The following DPY19L3 variants were observed in gnomAD, a reference collection of about 807,000 sequenced individuals.
DPY19L3 encodes the protein protein C-mannosyl-transferase DPY19L3.
DPY19L3 carries 51 observed loss-of-function variants against 92.3 expected under a neutral mutation model. The ratio of observed to expected loss-of-function variants is 0.55; its 90% CI spans 0.44 to 0.70. The LOEUF (loss-of-function observed/expected upper bound fraction) is 0.70, where lower values mean the gene tolerates loss of function less well. Among genes scored for constraint, DPY19L3 ranks in the 30% least tolerant of loss-of-function variants. DPY19L3 has a pLI of 0.00. For synonymous variants in DPY19L3, 309 were observed against 315.2 expected (o/e 0.98, Z 0.21); for missense variants, 706 against 855.9 (o/e 0.82, Z 2.18).
At chr19:32,456,405 T>G (rs1213855681) in intron 10 of DPY19L3, among the ~76,000 whole-genome samples, 2 of 151,980 alleles carry the variant, frequency 1.3e-5, no homozygotes, top group East Asian at 3.9e-4. Context: ...GTCAAGTACT[T>G]ATCAATAATT....
intron 17 of DPY19L3, among the ~76,000 whole-genome samples, chr19:32,478,633 C>CT (rs1192097851): frequency 6.6e-6 from 1 of 152,176 alleles, no homozygotes; most frequent in Non-Finnish European, 1.5e-5. Flanking sequence ...GGTGGTGCCC[C>CT]TTTCTCCATT....
rs552299083 is a variant in DPY19L3, at chr19:32,429,244, C to T, written c.238-3472C>T. On this transcript the variant is annotated intron_variant, in intron 3 of 18. Transcript: ENST00000392250. ...TTCGTTCTGTCAACATTGCATTCCC[C>T]ATGGAACCTGTGCAAATTGAATATG... Among the ~76,000 whole-genome samples, 10 of 152,310 alleles carry T rather than the reference C, an allele frequency of 6.6e-5. No homozygotes were observed. In the South Asian group the frequency reaches 2.1e-3, roughly 32 times the overall value.
rs879845599 is a variant in DPY19L3, at chr19:32,482,294, A to G, written c.*54A>G. The stretch of plus-strand genomic sequence containing the variant: ...GATACGGAGAAACTGCATCATGATG[A>G]AACTCAATAGATGACGTTTCCTATG... On this transcript the variant is annotated 3_prime_UTR_variant, in exon 19 of 19. Transcript: ENST00000392250. 8.9e-6 allele frequency: 14 copies of G among 1,578,698 alleles called. No individual in the cohort carries two copies. The highest frequency in any genetic ancestry group is 6.7e-5 in the East Asian group (3 of 44,622).
intron 7 of DPY19L3, 60 bp from the exon 8 acceptor site, chr19:32,439,716 G>C (rs772964875): frequency 7.7e-6 from 12 of 1,565,376 alleles, no homozygotes; most frequent in Non-Finnish European, 1.0e-5. Context: ...GAGAAAACTT[G>C]TCTGCAAGGT....
intron 3 of DPY19L3, among the ~76,000 whole-genome samples, chr19:32,413,464 T>C (rs1209656498): frequency 6.6e-6 from 1 of 151,840 alleles, no homozygotes; most frequent in Non-Finnish European, 1.5e-5. Context: ...TTAATTATTA[T>C]TATACTTTAA....
At chr19:32,468,562 C>G (rs879835076) in intron 15 of DPY19L3, 169 bp from the exon 16 acceptor site, 80 of 1,269,200 alleles carry the variant, frequency 6.3e-5, no homozygotes, top group Non-Finnish European at 7.9e-5. Flanking sequence ...GCGCTAGTTC[C>G]CTTGTATTAG....
chr19:32,440,782 A>G lies in DPY19L3; in HGVS notation c.855+872A>G, dbSNP rs140631551. On this transcript the variant is annotated intron_variant, in intron 8 of 18. Transcript: ENST00000392250. The stretch of plus-strand genomic sequence containing the variant: ...AACAAAGATCACAGACAACAAGAAC[A>G]AGCAGACAAATGATAGCTGCTAATT... Among the ~76,000 whole-genome samples the G allele has an allele frequency of 4.7e-3, 710 of 152,304 alleles. 6 individuals are homozygous for G. The highest frequency in any genetic ancestry group is 0.024 in the Middle Eastern group (7 of 294).
chr19:32,431,917 A>G (rs1968983244), intron 3 of DPY19L3, among the ~76,000 whole-genome samples: 1 of 152,178 alleles, frequency 6.6e-6, no homozygotes, highest in South Asian at 2.1e-4. Flanking sequence ...CAATACGGTG[A>G]AAAAAATAAC....
chr19:32,424,429 A>G (rs1399415463), intron 3 of DPY19L3, among the ~76,000 whole-genome samples: 1 of 152,090 alleles, frequency 6.6e-6, no homozygotes, highest in African/African-American at 2.4e-5. Context: ...AAGACACACA[A>G]GCCTGGGCAA....
intron 17 of DPY19L3, 50 bp downstream of exon 17, chr19:32,477,704 T>C (rs1197216296): frequency 6.2e-7 from 1 of 1,609,084 alleles, no homozygotes; most frequent in South Asian, 1.1e-5. Context: ...AGCTATGGGC[T>C]GCGTGTCCCT....
chr19:32,440,261 A>G (rs1253015387), intron 8 of DPY19L3, among the ~76,000 whole-genome samples: 1 of 152,234 alleles, frequency 6.6e-6, no homozygotes, highest in East Asian at 1.9e-4. Context: ...CAATAGGTAT[A>G]TAACAGCTTT....
At chr19:32,474,782 G>T (rs1203823385) in intron 16 of DPY19L3, among the ~76,000 whole-genome samples, 1 of 151,988 alleles carries the variant, frequency 6.6e-6, no homozygotes, top group Non-Finnish European at 1.5e-5. Context: ...GTAGAGACAG[G>T]TTTCACCATA....
At chr19:32,436,645 G>T (rs938879774) in intron 5 of DPY19L3, 78 bp downstream of exon 5, 3 of 1,228,634 alleles carry the variant, frequency 2.4e-6, no homozygotes, top group Non-Finnish European at 3.2e-6. Context: ...TTATCACATC[G>T]TTCTTTCTGA....
rs796891885 is a variant in DPY19L3 at position 32,428,844 on chromosome 19, G to T, written c.238-3872G>T. On this transcript the variant is annotated intron_variant, in intron 3 of 18. Coordinates refer to ENST00000392250, the MANE Select transcript of DPY19L3 (RefSeq NM_001172774.2). ...CAGTTTTTTTTTTGTTTTTTTTCTTGTTGTTGTTGTTTGTTTGTTTTGAGA... is the reference window on the plus strand; with the variant it reads ...CAGTTTTTTTTTTGTTTTTTTTCTTTTTGTTGTTGTTTGTTTGTTTTGAGA... Among the ~76,000 whole-genome samples the T allele has an allele frequency of 6.7e-3, 912 of 135,676 alleles. 4 individuals carry two copies. Among genetic ancestry groups the T allele is most frequent in the African/African-American group, 0.019 (672 of 35,642 alleles). The allele number at this position is 135,676 out of a possible 152,430, so 89.0% of individuals were successfully genotyped here.
intron 12 of DPY19L3, among the ~76,000 whole-genome samples, chr19:32,461,718 C>T (rs1276790660): frequency 3.3e-5 from 5 of 152,172 alleles, no homozygotes; most frequent in African/African-American, 7.2e-5. Flanking sequence ...AGAGAAGCAT[C>T]GTATGTGCCC....
rs748285007 is a variant in DPY19L3, at chr19:32,408,879, A to C, written c.103+523A>C. ...TATAATGGTAAAGACTTGCTAAGTGATGCATCAGATAGCATTAATTACCAA... is the reference window on the plus strand; with the variant it reads ...TATAATGGTAAAGACTTGCTAAGTGCTGCATCAGATAGCATTAATTACCAA... On this transcript the variant is annotated intron_variant, in intron 2 of 18. Coordinates refer to ENST00000392250, the MANE Select transcript of DPY19L3 (RefSeq NM_001172774.2). Among the ~76,000 whole-genome samples the C allele has an allele frequency of 3.3e-5, 5 of 151,694 alleles. No homozygotes were observed. The South Asian group carries it at 8.3e-4, about 25-fold the overall frequency.
chr19:32,438,080 A>T (rs970828589), intron 6 of DPY19L3, among the ~76,000 whole-genome samples: 5 of 152,324 alleles, frequency 3.3e-5, no homozygotes, highest in Admixed American at 6.5e-5. Flanking sequence ...GCCTTATTTA[A>T]TATCTACTAT....
At chr19:32,452,681 A>G (rs1184171875) in intron 8 of DPY19L3, among the ~76,000 whole-genome samples, 1 of 151,802 alleles carries the variant, frequency 6.6e-6, no homozygotes, top group Non-Finnish European at 1.5e-5. Context: ...TATGTGTATG[A>G]TTTAGTTTCC....
intron 3 of DPY19L3, among the ~76,000 whole-genome samples, chr19:32,428,844 G>GTTTTTTTTTTTT (rs1968862348): frequency 2.9e-5 from 4 of 135,920 alleles, no homozygotes; most frequent in African/African-American, 8.4e-5. Context: ...TTTTTTTCTT[G>GTTTTTTTTTTTT]TTGTTGTTGT....
Sources: allele counts gnomAD v4.1 joint callset (sites outside exome capture counted in the v4.1 genomes callset), GRCh38; gene constraint gnomAD v4.1.1; transcripts MANE v1.5; gene names NCBI Gene and HGNC (gene_info 2026-07-23, HGNC 2026-07-21).